ARHGAP22: variants seen among roughly 807,000 people sequenced by gnomAD.
ARHGAP22 encodes the protein Rho GTPase activating protein 22.
In ARHGAP22, 48 loss-of-function variants were observed where a neutral mutation model predicts 59.1. That is an observed-to-expected ratio of 0.81 (90% CI 0.64 to 1.03). The LOEUF is 1.03. Ranked by LOEUF, ARHGAP22 falls within the 50% of genes least tolerant of loss-of-function variation. ARHGAP22 has a pLI of 0.00. For synonymous variants in ARHGAP22, 445 were observed against 416.4 expected, an observed-to-expected ratio of 1.07 and a Z score of -0.84; for missense variants, 1,015 against 958.7, an observed-to-expected ratio of 1.06 and a Z score of -0.78.
At chr10:48,609,381 C>T (rs1166140086), upstream of ARHGAP22, among the ~76,000 whole-genome samples, 1 of 152,182 alleles carries the variant, frequency 6.6e-6, no homozygotes, top group Admixed American at 6.5e-5. Flanking sequence ...TTCCAGGATT[C>T]CTTCTCTTGC....
downstream of ARHGAP22, among the ~76,000 whole-genome samples, chr10:48,442,179 C>T (rs1006800492): frequency 6.6e-6 from 1 of 152,228 alleles, no homozygotes; most frequent in Non-Finnish European, 1.5e-5. Context: ...TAGCATCCTG[C>T]CCTCACTGGC....
chr10:48,447,773 C>G (rs1193778292), intron 9 of ARHGAP22, among the ~76,000 whole-genome samples: 2 of 152,236 alleles, frequency 1.3e-5, no homozygotes, highest in African/African-American at 4.8e-5. Context: ...GACCACTCTT[C>G]CGCAGCCCTG....
chr10:48,518,881 G>T (rs1205446139), intron 3 of ARHGAP22, among the ~76,000 whole-genome samples: 2 of 152,228 alleles, frequency 1.3e-5, no homozygotes, highest in African/African-American at 4.8e-5. Flanking sequence ...CTGGCAGGAT[G>T]TGGGGATGGC....
chr10:48,552,068 A>G (rs2056939123), intron 3 of ARHGAP22, among the ~76,000 whole-genome samples: 1 of 152,260 alleles, frequency 6.6e-6, no homozygotes, highest in Admixed American at 6.5e-5. Flanking sequence ...CCTCATTTTT[A>G]ATTCTACTTT....
chr10:48,587,884 G>A (rs1202872911), intron 1 of ARHGAP22, among the ~76,000 whole-genome samples: 1 of 152,234 alleles, frequency 6.6e-6, no homozygotes, highest in Non-Finnish European at 1.5e-5. Context: ...GCACAGTCCA[G>A]CTCCTCTGAG....
In ARHGAP22 at chr10:48,520,773, A is replaced by G. The variant is rs1455490224; in HGVS notation, c.322+34690T>C. 2.0e-5 allele frequency among the ~76,000 whole-genome samples: 3 copies of G among 152,070 alleles called. No homozygotes were observed. In the East Asian group the frequency reaches 5.8e-4, roughly 29 times the overall value. ...GCAAGGAAGAGCTGCTGCTGCTGAG[A>G]GCAGCAGGAAGGGTGAGGGGCGAAG... On this transcript the variant is annotated intron_variant, in intron 3 of 9. Coordinates refer to ENST00000249601, the MANE Select transcript of ARHGAP22 (RefSeq NM_021226.4).
At chr10:48,476,160 C>T (rs1269995140) in intron 4 of ARHGAP22, among the ~76,000 whole-genome samples, 1 of 152,240 alleles carries the variant, frequency 6.6e-6, no homozygotes, top group Non-Finnish European at 1.5e-5. Context: ...CTCCAGCTCG[C>T]TGCTGTCTCC....
intron 3 of ARHGAP22, among the ~76,000 whole-genome samples, chr10:48,480,800 C>G (rs1026898653): frequency 3.9e-5 from 6 of 152,248 alleles, no homozygotes; most frequent in Non-Finnish European, 8.8e-5. Flanking sequence ...AATTAAGTAA[C>G]CTGTTGAATG....
At chr10:48,527,265 A>C (rs1438697138) in intron 3 of ARHGAP22, among the ~76,000 whole-genome samples, 1 of 151,730 alleles carries the variant, frequency 6.6e-6, no homozygotes, top group Non-Finnish European at 1.5e-5. Flanking sequence ...GGATGGATGG[A>C]GTAATGGATG....
chr10:48,435,228 A>C, the ARHGAP22 span: 22 of 453,608 alleles, frequency 4.8e-5, no homozygotes, highest in Non-Finnish European at 7.7e-5. Context: ...ACAGCAACAA[A>C]ACTGTATTGT....
At chr10:48,483,494 A>C (rs1382560652) in intron 3 of ARHGAP22, among the ~76,000 whole-genome samples, 1 of 152,232 alleles carries the variant, frequency 6.6e-6, no homozygotes, top group Non-Finnish European at 1.5e-5. Flanking sequence ...ACTGTTTTCC[A>C]TAATGACTGT....
intron 1 of ARHGAP22, among the ~76,000 whole-genome samples, chr10:48,616,670 G>A (rs1278469540): frequency 6.6e-6 from 1 of 152,154 alleles, no homozygotes; most frequent in African/African-American, 2.4e-5. Context: ...GCCAGAGGCA[G>A]TGGAGTGATG....
intron 3 of ARHGAP22, among the ~76,000 whole-genome samples, chr10:48,535,053 G>A (rs2055217513): frequency 6.6e-6 from 1 of 152,202 alleles, no homozygotes; most frequent in Admixed American, 6.5e-5. Flanking sequence ...GTTAACTAGT[G>A]CTCCTTGCAC....
At chr10:48,572,817 T>C (rs1236748956) in intron 2 of ARHGAP22, among the ~76,000 whole-genome samples, 1 of 152,192 alleles carries the variant, frequency 6.6e-6, no homozygotes. Flanking sequence ...AATTGTGTGA[T>C]TTTTAAGTTA....
chr10:48,638,647 T>A (rs138376046), intron 1 of ARHGAP22, among the ~76,000 whole-genome samples: 16 of 152,302 alleles, frequency 1.1e-4, no homozygotes, highest in African/African-American at 3.9e-4. Flanking sequence ...TAGTCCCATC[T>A]CCATGCTATT....
intron 3 of ARHGAP22, among the ~76,000 whole-genome samples, chr10:48,520,911 A>C (rs2053749264): frequency 7.2e-5 from 11 of 152,176 alleles, no homozygotes. Flanking sequence ...AGCTGACTCC[A>C]TGCTGTGCTC....
rs371783972 is a variant in ARHGAP22 at position 48,515,152 on chromosome 10, A to G, written c.323-35388T>C. On this transcript the variant is annotated intron_variant, in intron 3 of 9. Coordinates refer to ENST00000249601, the MANE Select transcript of ARHGAP22 (RefSeq NM_021226.4). ...CCAACAAAAAGGCAAAGATTGGCCA[A>G]TAAATTTTTTAAATAATCAAACCAT... 4.0e-5 allele frequency among the ~76,000 whole-genome samples: 6 copies of G among 151,886 alleles called. No individual in the cohort carries two copies. The South Asian group carries it at 1.2e-3, about 32-fold the overall frequency.
intron 7 of ARHGAP22, 149 bp from the exon 8 acceptor site, chr10:48,453,574 G>C (rs1389692000): frequency 1.7e-6 from 2 of 1,202,424 alleles, no homozygotes; most frequent in South Asian, 1.3e-5. Flanking sequence ...TGCCAGGCTC[G>C]ATGAGGGAAG....
At chr10:48,453,896 A>T (rs2046235390) in intron 7 of ARHGAP22, among the ~76,000 whole-genome samples, 192 bp downstream of exon 7, 1 of 152,072 alleles carries the variant, frequency 6.6e-6, no homozygotes, top group East Asian at 1.9e-4. Context: ...CTCCCATGGG[A>T]CTGTAAGCTT....
Sources: allele counts gnomAD v4.1 joint callset (sites outside exome capture counted in the v4.1 genomes callset), GRCh38; gene constraint gnomAD v4.1.1; transcripts MANE v1.5; gene names NCBI Gene and HGNC (gene_info 2026-07-23, HGNC 2026-07-21).